The following FOXO3 variants were observed in gnomAD, a reference collection of about 807,000 sequenced individuals.
The protein encoded by FOXO3 is forkhead box O3.
A neutral mutation model predicts 41.9 loss-of-function variants in FOXO3; 4 were observed. That is an observed-to-expected ratio of 0.10 (90% CI 0.05 to 0.22). FOXO3 has a LOEUF of 0.22. FOXO3 is among the 10% of genes least tolerant of loss of function. FOXO3 has a pLI of 1.00. For synonymous variants in FOXO3, 318 were observed against 389.3 expected (o/e 0.82, Z 2.16); for missense variants, 534 against 906.8 (o/e 0.59, Z 5.28).
intron 1 of FOXO3, among the ~76,000 whole-genome samples, chr6:108,636,247 TGGG>T (rs1055541236): frequency 3.3e-5 from 5 of 152,168 alleles, no homozygotes; most frequent in African/African-American, 1.2e-4. Context: ...TCATAGATGT[TGGG>T]GGTGGTGAGC....
At chr6:108,635,536 A>G (rs535281573) in intron 1 of FOXO3, among the ~76,000 whole-genome samples, 3 of 152,316 alleles carry the variant, frequency 2.0e-5, no homozygotes, top group African/African-American at 7.2e-5. Context: ...TTTGTTTTAA[A>G]TGTGTCACAA....
chr6:108,664,984 C>A, intron 2 of FOXO3, 95 bp downstream of exon 2: 1 of 1,288,462 alleles, frequency 7.8e-7, no homozygotes, highest in Non-Finnish European at 1.1e-6. Context: ...AACTTTATTC[C>A]ACACTGAAAA....
chr6:108,657,104 C>T (rs983880009), intron 1 of FOXO3, among the ~76,000 whole-genome samples: 1 of 152,162 alleles, frequency 6.6e-6, no homozygotes, highest in Admixed American at 6.5e-5. Context: ...GGTTTCTGCC[C>T]CAGTGCAGGG....
At chr6:108,632,941 G>A (rs909705590) in intron 1 of FOXO3, among the ~76,000 whole-genome samples, 4 of 151,980 alleles carry the variant, frequency 2.6e-5, no homozygotes, top group Non-Finnish European at 5.9e-5. Context: ...GTTTTTACTT[G>A]TGTCTTGTCT....
chr6:108,675,640 A>G (rs777461992), intron 2 of FOXO3, among the ~76,000 whole-genome samples: 36 of 152,216 alleles, frequency 2.4e-4, no homozygotes, highest in Non-Finnish European at 4.6e-4. Flanking sequence ...TTCTTTTTAA[A>G]GAGTGAGGAA....
chr6:108,610,246 G>T (rs1488039217), intron 1 of FOXO3, among the ~76,000 whole-genome samples: 1 of 151,958 alleles, frequency 6.6e-6, no homozygotes, highest in Non-Finnish European at 1.5e-5. Context: ...CAATATTATA[G>T]GTATTGTTTT....
chr6:108,618,295 C>G, intron 1 of FOXO3: 1 of 707,266 alleles, frequency 1.4e-6, no homozygotes, highest in Non-Finnish European at 2.6e-6. Flanking sequence ...TGATGAGCAC[C>G]GGTTTCTCCT....
At chr6:108,661,163 A>T (rs1306692498) in intron 1 of FOXO3, among the ~76,000 whole-genome samples, 2 of 151,896 alleles carry the variant, frequency 1.3e-5, no homozygotes, top group Non-Finnish European at 2.9e-5. Context: ...AATCACTTGA[A>T]CCCTGGAGGC....
At chr6:108,560,771 C>A (rs1291468070), upstream of FOXO3, 1 of 287,562 alleles carries the variant, frequency 3.5e-6, no homozygotes, top group Non-Finnish European at 6.3e-6. Flanking sequence ...AAGGCGCGGC[C>A]GCCCCTCCCC....
At chr6:108,564,120 C>G (rs1775888366) in intron 1 of FOXO3, among the ~76,000 whole-genome samples, 1 of 152,202 alleles carries the variant, frequency 6.6e-6, no homozygotes, top group African/African-American at 2.4e-5. Flanking sequence ...CTGAGTGTCA[C>G]ATGACAACTA....
At position 108,604,925 on chromosome 6, in the gene FOXO3, G is replaced by A. The variant is rs138511353; in HGVS notation, c.621+43096G>A. On this transcript the variant is annotated intron_variant, in intron 1 of 2. Coordinates refer to ENST00000406360, the MANE Select transcript of FOXO3 (RefSeq NM_001455.4). ...AGGCCCTATAAGAAGAGAGAAAAAG[G>A]TATTTGAAGTCAAATGTTTCTGTTT... Among the ~76,000 whole-genome samples the A allele has an allele frequency of 9.9e-4, 151 of 152,246 alleles. 1 individual carries two copies. Among genetic ancestry groups the A allele is most frequent in the African/African-American group, 3.4e-3 (141 of 41,540 alleles).
intron 1 of FOXO3, among the ~76,000 whole-genome samples, chr6:108,610,823 T>C (rs1777340664): frequency 6.6e-6 from 1 of 152,182 alleles, no homozygotes; most frequent in African/African-American, 2.4e-5. Flanking sequence ...TTGAAACTGG[T>C]GATTTATTTT....
intron 1 of FOXO3, among the ~76,000 whole-genome samples, chr6:108,645,811 A>G (rs2128380862): frequency 1.3e-5 from 2 of 152,360 alleles, no homozygotes; most frequent in Admixed American, 6.5e-5. Flanking sequence ...AATTACCATT[A>G]TTAATGCTTG....
At chr6:108,646,984 A>G (rs531509127) in intron 1 of FOXO3, among the ~76,000 whole-genome samples, 5 of 152,296 alleles carry the variant, frequency 3.3e-5, no homozygotes, top group South Asian at 4.1e-4. Context: ...CTTCCCCCCA[A>G]TAACAATTGT....
At chr6:108,658,880 G>GTTTTTTTTGTTTGTTTTTTGT (rs573029288) in intron 1 of FOXO3, among the ~76,000 whole-genome samples, 1 of 150,828 alleles carries the variant, frequency 6.6e-6, no homozygotes, top group Admixed American at 6.6e-5. Flanking sequence ...GGGTTTTTGT[G>GTTTTTTTTGTTTGTTTTTTGT]TTTTTTTGTT....
In FOXO3 at chr6:108,561,650, A is replaced by C. The variant is rs1160562980; in HGVS notation, c.442A>C (p.Arg148=). The part of the protein sequence containing the change: ...PGAAGGSGQP[R]KCSSRRNAWG... Reference sequence around the variant, plus strand: ...GGCGGCTGGGGGCTCCGGGCAGCCGAGGAAATGTTCGTCGCGGCGGAACGC... The same window carrying C: ...GGCGGCTGGGGGCTCCGGGCAGCCGCGGAAATGTTCGTCGCGGCGGAACGC... Residue 148 remains arginine, a synonymous_variant, in exon 1 of 3, where the codon AGG becomes CGG. Transcript: ENST00000406360. The C allele has an allele frequency of 2.5e-6, 4 of 1,593,072 alleles. No homozygotes were observed. Among genetic ancestry groups the C allele is most frequent in the Non-Finnish European group, 3.4e-6 (4 of 1,170,426 alleles).
rs1235174008 is a variant in FOXO3 at position 108,684,371 on chromosome 6, T to C, written c.*4579T>C. On this transcript the variant is annotated 3_prime_UTR_variant, in exon 3 of 3. Coordinates refer to ENST00000406360, the MANE Select transcript of FOXO3 (RefSeq NM_001455.4). ...AATGGAAAAAAAAATCTGTATACAG[T>C]ATCTGTAAAAACTATCTTATCTGTT... 3.9e-5 allele frequency: 6 copies of C among 152,266 alleles called. No individual in the cohort carries two copies. Among genetic ancestry groups the C allele is most frequent in the Admixed American group, 3.9e-4 (6 of 15,286 alleles). The allele number at this position is 152,266 out of a possible 1,614,324, so 9.4% of individuals were successfully genotyped here.
rs1202400419 is a variant in FOXO3, at chr6:108,561,437, A to G, written c.229A>G (p.Met77Val). Residue 77 changes from methionine to valine, a missense_variant, in exon 1 of 3, where the codon ATG (methionine) becomes GTG (valine). Coordinates refer to ENST00000406360, the MANE Select transcript of FOXO3 (RefSeq NM_001455.4). ...EDGGGRAGSA[M>V]AIGGGGGSGT... is the part of the protein sequence containing the mutation. Reference sequence around the variant, plus strand: ...CGGCGGGGGACGGGCCGGCTCGGCCATGGCGATCGGCGGCGGCGGCGGGAG... The same window carrying G: ...CGGCGGGGGACGGGCCGGCTCGGCCGTGGCGATCGGCGGCGGCGGCGGGAG... 2.0e-6 allele frequency: 3 copies of G among 1,533,622 alleles called. No individual in the cohort carries two copies. Among genetic ancestry groups the G allele is most frequent in the Non-Finnish European group, 2.6e-6 (3 of 1,143,026 alleles).
At chr6:108,667,722 T>C (rs1779103474) in intron 2 of FOXO3, among the ~76,000 whole-genome samples, 1 of 152,070 alleles carries the variant, frequency 6.6e-6, no homozygotes, top group Non-Finnish European at 1.5e-5. Flanking sequence ...AATGAAGCTT[T>C]AGGGTCATCT....
Sources: allele counts gnomAD v4.1 joint callset (sites outside exome capture counted in the v4.1 genomes callset), GRCh38; gene constraint gnomAD v4.1.1; transcripts MANE v1.5; gene names NCBI Gene and HGNC (gene_info 2026-07-23, HGNC 2026-07-21).